MAP3K5: variants seen among roughly 807,000 people sequenced by gnomAD.
MAP3K5 encodes the protein ASK-1.
Under a neutral mutation model 158.7 loss-of-function variants are expected in MAP3K5, and 56 were observed. The observed-to-expected ratio is 0.35, with a 90% CI of 0.28 to 0.44. The LOEUF is 0.44. Ranked by LOEUF, MAP3K5 falls within the 20% of genes least tolerant of loss-of-function variation. The probability of loss-of-function intolerance (pLI) is 1.00; values close to 1 mark genes in which losing one functional copy is unlikely to be tolerated. For missense variants in MAP3K5, 1,294 were observed against 1,674.8 expected, an observed-to-expected ratio of 0.77 and a Z score of 3.97; for synonymous variants, 579 against 601.7, an observed-to-expected ratio of 0.96 and a Z score of 0.55.
At chr6:136,714,443 C>G (rs1027642555) in intron 2 of MAP3K5, among the ~76,000 whole-genome samples, 1 of 152,182 alleles carries the variant, frequency 6.6e-6, no homozygotes, top group African/African-American at 2.4e-5. Context: ...TCAGTGCCTG[C>G]AGATAAAAGA....
chr6:136,575,925 C>A (rs1473883339), intron 25 of MAP3K5, among the ~76,000 whole-genome samples: 1 of 152,124 alleles, frequency 6.6e-6, no homozygotes, highest in Non-Finnish European at 1.5e-5. Context: ...GAAAACCATC[C>A]ACATATATCC....
intron 8 of MAP3K5, among the ~76,000 whole-genome samples, chr6:136,664,706 A>G (rs1779152977): frequency 6.6e-6 from 1 of 152,168 alleles, no homozygotes; most frequent in Non-Finnish European, 1.5e-5. Flanking sequence ...CCAGGTGGGC[A>G]GATCACTTGA....
At chr6:136,622,196 T>C (rs1334039800) in intron 15 of MAP3K5, among the ~76,000 whole-genome samples, 1 of 152,100 alleles carries the variant, frequency 6.6e-6, no homozygotes, top group East Asian at 1.9e-4. Flanking sequence ...CCAAAACTCA[T>C]GAAAGTGTGA....
chr6:136,723,348 T>C (rs1326335458), intron 1 of MAP3K5, among the ~76,000 whole-genome samples: 1 of 152,002 alleles, frequency 6.6e-6, no homozygotes, highest in African/African-American at 2.4e-5. Flanking sequence ...ATAATATACA[T>C]ACTGCCAGGT....
intron 10 of MAP3K5, among the ~76,000 whole-genome samples, chr6:136,653,356 T>C (rs1033396010): frequency 1.3e-5 from 2 of 152,162 alleles, no homozygotes; most frequent in African/African-American, 4.8e-5. Context: ...TTGAGATAAA[T>C]AAAAACAATC....
At chr6:136,605,424 T>A in intron 18 of MAP3K5, 58 bp from the exon 19 acceptor site, 3 of 1,431,984 alleles carry the variant, frequency 2.1e-6, no homozygotes, top group Non-Finnish European at 2.8e-6. Flanking sequence ...GGGTATCTAA[T>A]GACAGTTTTT....
At chr6:136,622,221 C>G (rs1277820176) in intron 15 of MAP3K5, among the ~76,000 whole-genome samples, 1 of 152,166 alleles carries the variant, frequency 6.6e-6, no homozygotes, top group Non-Finnish European at 1.5e-5. Flanking sequence ...CATCCCCAGC[C>G]CTCAGTGACT....
At chr6:136,640,612 T>A (rs1049758623) in intron 12 of MAP3K5, among the ~76,000 whole-genome samples, 1 of 152,236 alleles carries the variant, frequency 6.6e-6, no homozygotes, top group African/African-American at 2.4e-5. Flanking sequence ...TCTCACACTG[T>A]ATTGTCATGA....
chr6:136,698,392 T>C lies in MAP3K5; in HGVS notation c.806+97A>G, dbSNP rs1426804340. The stretch of plus-strand genomic sequence containing the variant: ...ATTTTCCCCCTAGTTCTTAGCTGTA[T>C]ACTGATATCTCAGGAGCACCTGATA... On this transcript the variant is annotated intron_variant, in intron 4 of 29. Coordinates refer to ENST00000359015, the MANE Select transcript of MAP3K5 (RefSeq NM_005923.4). The C allele has an allele frequency of 7.3e-6, 7 of 965,170 alleles. No homozygotes were observed. The East Asian group carries it at 1.8e-4, about 25-fold the overall frequency. The allele number at this position is 965,170 out of a possible 1,614,324, so 59.8% of individuals were successfully genotyped here.
At chr6:136,655,711 T>A (rs1253364279) in intron 10 of MAP3K5, among the ~76,000 whole-genome samples, 1 of 69,748 alleles carries the variant, frequency 1.4e-5, no homozygotes, top group African/African-American at 1.3e-4. Flanking sequence ...TTTTAAAGTG[T>A]GTGTGTGTGT....
At chr6:136,675,571 T>A (rs780322038) in intron 7 of MAP3K5, among the ~76,000 whole-genome samples, 6 of 152,098 alleles carry the variant, frequency 3.9e-5, no homozygotes, top group Non-Finnish European at 7.4e-5. Flanking sequence ...GTATTTAAAC[T>A]GAACAATATA....
chr6:136,642,959 T>G (rs1017931694), intron 11 of MAP3K5, among the ~76,000 whole-genome samples: 1 of 152,202 alleles, frequency 6.6e-6, no homozygotes, highest in Non-Finnish European at 1.5e-5. Context: ...TTGAATAACA[T>G]CTCGGCAAGG....
At chr6:136,661,732 G>A (rs1458711738) in intron 8 of MAP3K5, among the ~76,000 whole-genome samples, 15 of 151,844 alleles carry the variant, frequency 9.9e-5, no homozygotes, top group African/African-American at 2.7e-4. Context: ...TTGTAGAGAC[G>A]GTCTCATTCT....
intron 1 of MAP3K5, among the ~76,000 whole-genome samples, chr6:136,732,133 AG>A (rs1782252364): frequency 6.6e-6 from 1 of 152,154 alleles, no homozygotes; most frequent in Non-Finnish European, 1.5e-5. Context: ...AAAGGTAAGA[AG>A]GAGAGAAGTA....
At chr6:136,673,331 T>C (rs1239085212) in intron 7 of MAP3K5, among the ~76,000 whole-genome samples, 2 of 152,150 alleles carry the variant, frequency 1.3e-5, no homozygotes, top group Non-Finnish European at 2.9e-5. Context: ...CAAGTCTCAA[T>C]AGTTTTTTAA....
chr6:136,720,529 C>A lies in MAP3K5; in HGVS notation c.509G>T (p.Gly170Val). The A allele has an allele frequency of 6.2e-7, 1 of 1,613,460 alleles. No individual in the cohort carries two copies. Among genetic ancestry groups the A allele is most frequent in the Non-Finnish European group, 8.5e-7 (1 of 1,179,638 alleles). The part of the protein sequence containing the change: ...FRQPSLFYHL[G>V]VRESFSMANN... ...GGCCATGCTGAAACTTTCTCTCACC[C>A]CAAGGTGGTAAAACAAGGACGGCTG... is the stretch of plus-strand genomic sequence containing the variant. The change falls in exon 2 of 30, where the codon GGG becomes GTG. Residue 170 changes from glycine (G) to valine (V), a missense_variant. By Grantham distance (109) the Gly-to-Val change is moderately radical (BLOSUM62 -3). Around this residue, in one of 5 missense-constraint regions of MAP3K5, gnomAD observed 690 missense variants for 870.5 expected, o/e 0.79. Coordinates refer to ENST00000359015, the MANE Select transcript of MAP3K5 (RefSeq NM_005923.4).
intron 1 of MAP3K5, among the ~76,000 whole-genome samples, chr6:136,733,951 C>T (rs1307851778): frequency 1.3e-5 from 2 of 152,056 alleles, no homozygotes; most frequent in Non-Finnish European, 2.9e-5. Context: ...CCCTAAAAAT[C>T]CTCTGCCCTA....
intron 25 of MAP3K5, among the ~76,000 whole-genome samples, chr6:136,574,455 T>A (rs1407183187): frequency 6.6e-6 from 1 of 152,178 alleles, no homozygotes; most frequent in African/African-American, 2.4e-5. Context: ...GGAAGTATGC[T>A]TACATTATCA....
At chr6:136,665,500 C>T (rs544408897) in intron 8 of MAP3K5, among the ~76,000 whole-genome samples, 1 of 152,132 alleles carries the variant, frequency 6.6e-6, no homozygotes, top group Non-Finnish European at 1.5e-5. Flanking sequence ...AAGCATGCCA[C>T]CACACCGGGC....
Sources: gnomAD v4.1 joint callset for allele counts (sites outside exome capture counted in the v4.1 genomes callset) on GRCh38, gnomAD v4.1.1 for gene constraint, gnomAD v4.1.1 regional missense constraint, MANE v1.5 for transcripts, NCBI Gene and HGNC (gene_info 2026-07-23, HGNC 2026-07-21) for gene names.